The following RASGEF1A variants were observed in gnomAD, a reference collection of about 807,000 sequenced individuals.
RASGEF1A encodes the protein ras-GEF domain-containing family member 1A.
A neutral mutation model predicts 56.4 loss-of-function variants in RASGEF1A; 18 were observed. The ratio of observed to expected loss-of-function variants is 0.32; its 90% CI spans 0.22 to 0.47. The LOEUF (loss-of-function observed/expected upper bound fraction) is 0.47, where lower values mean the gene tolerates loss of function less well. RASGEF1A is among the 20% of genes least tolerant of loss of function. RASGEF1A has a pLI of 1.00. For missense variants in RASGEF1A, 422 were observed against 627.1 expected, an observed-to-expected ratio of 0.67 and a Z score of 3.49; for synonymous variants, 245 against 242.6, an observed-to-expected ratio of 1.01 and a Z score of -0.09.
intron 1 of RASGEF1A, among the ~76,000 whole-genome samples, chr10:43,209,488 G>T (rs901341560): frequency 2.0e-5 from 3 of 152,220 alleles, no homozygotes; most frequent in Non-Finnish European, 4.4e-5. Context: ...GGCACAGGGA[G>T]CACTACTTCA....
At chr10:43,202,698 C>T in intron 3 of RASGEF1A, 1 of 467,834 alleles carries the variant, frequency 2.1e-6, no homozygotes, top group South Asian at 1.6e-5. Context: ...GCCCACGCCG[C>T]ACAGCCTCCA....
At chr10:43,198,896 G>C (rs755930628) in intron 9 of RASGEF1A, 37 bp downstream of exon 9, 43 of 1,584,490 alleles carry the variant, frequency 2.7e-5, no homozygotes, top group Non-Finnish European at 3.6e-5. Context: ...GACGAAATGG[G>C]TGCAGCTCGC....
rs1448293244 is a variant in RASGEF1A at position 43,200,138 on chromosome 10, G to A, written c.756+44C>T. The A allele has an allele frequency of 2.7e-6, 4 of 1,495,240 alleles. No individual in the cohort carries two copies. In the Admixed American group the frequency reaches 7.6e-5, roughly 28 times the overall value. 92.6% of individuals were successfully genotyped at this position (1,495,240 alleles called of 1,614,324 possible). On this transcript the variant is annotated intron_variant, in intron 6 of 12. Coordinates refer to ENST00000395810, the MANE Select transcript of RASGEF1A (RefSeq NM_145313.4). Reference sequence around the variant, plus strand: ...ACCCTGCATGGAGCGCAAGTGCTGGGCAGACAGGGCTGGCAGGGGTGCCAC... The same window carrying A: ...ACCCTGCATGGAGCGCAAGTGCTGGACAGACAGGGCTGGCAGGGGTGCCAC...
chr10:43,251,498 T>C (rs1317933055), intron 1 of RASGEF1A, among the ~76,000 whole-genome samples: 1 of 152,100 alleles, frequency 6.6e-6, no homozygotes, highest in Non-Finnish European at 1.5e-5. Flanking sequence ...GCCACACAGA[T>C]TGATTTACTG....
In RASGEF1A at chr10:43,199,746, G is replaced by A. The variant is rs748412258; in HGVS notation, c.779C>T (p.Thr260Ile). Residue 260 changes from threonine to isoleucine, a missense_variant, in exon 7 of 13, where the codon ACC (threonine) becomes ATC (isoleucine). Physicochemically the swap from Thr to Ile is moderately conservative, Grantham distance 89. Around this residue, in one of 2 missense-constraint regions of RASGEF1A, gnomAD observed 273 missense variants for 339.9 expected, o/e 0.80. Coordinates refer to ENST00000395810, the MANE Select transcript of RASGEF1A (RefSeq NM_145313.4). Reference sequence around the variant, plus strand: ...GTTGTCATAGGCCTCCAGGCTGTAGGTCTTGGTCAGGTCCCCTCGGCACTG... The same window carrying A: ...GTTGTCATAGGCCTCCAGGCTGTAGATCTTGGTCAGGTCCCCTCGGCACTG... ...NHRCRGDLTK[T>I]YSLEAYDNWF... 8 of 1,613,656 alleles carry A rather than the reference G, an allele frequency of 5.0e-6. No homozygotes were observed. The highest frequency in any genetic ancestry group is 3.3e-5 in the Admixed American group (2 of 60,028).
At chr10:43,259,921 G>A (rs1836495786) in intron 1 of RASGEF1A, among the ~76,000 whole-genome samples, 1 of 152,080 alleles carries the variant, frequency 6.6e-6, no homozygotes, top group South Asian at 2.1e-4. Flanking sequence ...GGGGCAGGGC[G>A]GGGACGGCAG....
In RASGEF1A at chr10:43,204,545, G is replaced by A. The variant is rs556568381; in HGVS notation, c.199-1125C>T. Among the ~76,000 whole-genome samples the A allele has an allele frequency of 2.6e-5, 4 of 152,352 alleles. No homozygotes were observed. The South Asian group carries it at 8.3e-4, about 32-fold the overall frequency. On this transcript the variant is annotated intron_variant, in intron 2 of 12. Transcript: ENST00000395810. ...AGGAAAGGCCCACCATGGAGCTCTT[G>A]GCCAAGGGCAGGGCACCCAAGGGGA...
At chr10:43,201,419 A>G (rs1417298938) in intron 4 of RASGEF1A, among the ~76,000 whole-genome samples, 1 of 152,200 alleles carries the variant, frequency 6.6e-6, no homozygotes, top group African/African-American at 2.4e-5. Flanking sequence ...AAAGGTGAAG[A>G]CATTTGAAAA....
intron 1 of RASGEF1A, among the ~76,000 whole-genome samples, chr10:43,214,714 C>T (rs1455965176): frequency 6.6e-6 from 1 of 152,230 alleles, no homozygotes; most frequent in Non-Finnish European, 1.5e-5. Context: ...TCTAGGACCC[C>T]TTCTGGATCC....
chr10:43,254,997 G>A (rs1840671961), intron 1 of RASGEF1A, among the ~76,000 whole-genome samples: 2 of 152,054 alleles, frequency 1.3e-5, no homozygotes, highest in Admixed American at 1.3e-4. Context: ...CTTTCCTCCT[G>A]GGCAGAGGCT....
rs763265965 is a variant in RASGEF1A at position 43,200,165 on chromosome 10, G to T, written c.756+17C>A. On this transcript the variant is annotated intron_variant, in intron 6 of 12. Coordinates refer to ENST00000395810, the MANE Select transcript of RASGEF1A (RefSeq NM_145313.4). ...AGACAGGGCTGGCAGGGGTGCCACA[G>T]GCCTTGGCCCACTTACCCTGTGGTT... The T allele has an allele frequency of 7.0e-6, 11 of 1,579,714 alleles. No homozygotes were observed. The highest frequency in any genetic ancestry group is 1.3e-5 in the African/African-American group (1 of 74,212).
At chr10:43,202,938 GC>G (rs1839928315) in intron 3 of RASGEF1A, among the ~76,000 whole-genome samples, 1 of 97,174 alleles carries the variant, frequency 1.0e-5, no homozygotes, top group African/African-American at 4.1e-5. Flanking sequence ...CCTAACCCTA[GC>G]ACTGACCCTG....
intron 1 of RASGEF1A, among the ~76,000 whole-genome samples, chr10:43,260,000 G>A (rs1054589491): frequency 2.0e-5 from 3 of 152,188 alleles, no homozygotes; most frequent in South Asian, 2.1e-4. Context: ...CCTAGAGCAC[G>A]GGAGCGACCT....
In RASGEF1A at chr10:43,226,867, A is replaced by T. The variant is rs371242699; in HGVS notation, c.-6-20745T>A. Among the ~76,000 whole-genome samples, 8 of 152,248 alleles carry T rather than the reference A, an allele frequency of 5.3e-5. No homozygotes were observed. In the East Asian group the frequency reaches 9.7e-4, roughly 18 times the overall value. On this transcript the variant is annotated intron_variant, in intron 1 of 12. Transcript: ENST00000395810. ...GCATCCCTTGAGGCCTTTGTGGCCT[A>T]TGCCACACACTCAGAACGGAACAGC...
intron 1 of RASGEF1A, among the ~76,000 whole-genome samples, chr10:43,243,538 G>GA (rs1284334398): frequency 1.3e-5 from 2 of 151,234 alleles, no homozygotes; most frequent in South Asian, 2.1e-4. Context: ...CCTGGGAAGT[G>GA]GGTGCCTCTG....
At chr10:43,259,557 C>G (rs1564545432) in intron 1 of RASGEF1A, among the ~76,000 whole-genome samples, 1 of 152,236 alleles carries the variant, frequency 6.6e-6, no homozygotes, top group East Asian at 1.9e-4. Context: ...CCAGCCTCCT[C>G]CTCTCCCTGC....
In RASGEF1A at chr10:43,199,139, C is replaced by T. The variant is rs747346627; in HGVS notation, c.905G>A (p.Arg302Gln). Residue 302 changes from arginine (R) to glutamine (Q), a missense_variant, in exon 8 of 13, where the codon CGG becomes CAG. Coordinates refer to ENST00000395810, the MANE Select transcript of RASGEF1A (RefSeq NM_145313.4). ...RMLEFFIDVA[R>Q]ECFNIGNFNS... ...GAAGTTCCCGATGTTGAAGCACTCCCGGGCCACATCAATGAAGAACTCCAA... is the reference window on the plus strand; with the variant it reads ...GAAGTTCCCGATGTTGAAGCACTCCTGGGCCACATCAATGAAGAACTCCAA... 3.7e-6 allele frequency: 6 copies of T among 1,613,820 alleles called. No homozygotes were observed. The highest frequency in any genetic ancestry group is 1.7e-5 in the Admixed American group (1 of 60,010).
chr10:43,240,169 A>T lies in RASGEF1A; in HGVS notation c.-7+26676T>A, dbSNP rs537806180. On this transcript the variant is annotated intron_variant, in intron 1 of 12. Coordinates refer to ENST00000395810, the MANE Select transcript of RASGEF1A (RefSeq NM_145313.4). ...CATACCCAAAGACACAGAGCCCCTT[A>T]GCGAAGACTGAGAACTTTATTGACT... Among the ~76,000 whole-genome samples the T allele has an allele frequency of 3.9e-5, 6 of 152,360 alleles. 1 individual carries two copies. The highest frequency in any genetic ancestry group is 2.9e-5 in the Non-Finnish European group (2 of 68,024).
chr10:43,208,857 G>T (rs1462698546), intron 1 of RASGEF1A: 2 of 985,464 alleles, frequency 2.0e-6, no homozygotes, highest in East Asian at 2.3e-4. Context: ...TCCCTACATG[G>T]CTTTTCCCGG....
Sources: allele counts gnomAD v4.1 joint callset (sites outside exome capture counted in the v4.1 genomes callset), GRCh38; gene constraint gnomAD v4.1.1; regional missense constraint gnomAD v4.1.1; transcripts MANE v1.5; gene names NCBI Gene and HGNC (gene_info 2026-07-23, HGNC 2026-07-21).